Variants in PPP2R3B observed in about 807,000 individuals in gnomAD.
The protein encoded by PPP2R3B is protein phosphatase 2 regulatory subunit B''beta.
Under a neutral mutation model 72.9 loss-of-function variants are expected in PPP2R3B, and 68 were observed. That is an observed-to-expected ratio of 0.93 (90% confidence interval 0.77 to 1.14). PPP2R3B has a LOEUF of 1.14. Ranked by LOEUF, PPP2R3B falls within the 50% of genes most tolerant of loss-of-function variation. The pLI is 0.00. For missense variants in PPP2R3B, 1,018 were observed against 842.0 expected, an observed-to-expected ratio of 1.21 and a Z score of -2.59; for synonymous variants, 466 against 375.8, an observed-to-expected ratio of 1.24 and a Z score of -2.78.
intron 8 of PPP2R3B, 38 bp downstream of exon 8, chrX:341,845 G>T (rs756707983): frequency 3.1e-6 from 5 of 1,609,036 alleles, no homozygotes; most frequent in Non-Finnish European, 4.2e-6. Flanking sequence ...GTCCTCGCAG[G>T]GGCAATGGCT....
rs757277104 is a variant in PPP2R3B, at chrX:345,610, C to T, written c.942G>A (p.Glu314=). Residue 314 remains glutamate, a synonymous_variant, in exon 7 of 13, where the codon GAG becomes GAA. Transcript: ENST00000390665. The part of the protein sequence containing the change: ...INQLTEFFSY[E]HFYVIYCKFW... ...ACTTGCAGTAGATGACGTAGAAATG[C>T]TCGTACGAGAAGAATTCGGTCAGCT... The T allele has an allele frequency of 2.8e-5, 45 of 1,613,278 alleles. No homozygotes were observed. In the Middle Eastern group the frequency reaches 1.2e-3, roughly 41 times the overall value.
intron 4 of PPP2R3B, 128 bp downstream of exon 4, chrX:347,106 G>A (rs2071235650): frequency 3.4e-6 from 4 of 1,163,892 alleles, no homozygotes; most frequent in Admixed American, 1.8e-5. Context: ...GGTGTGCGGT[G>A]TAGACGCGGA....
chrX:346,107 G>GGGGAAGT, intron 6 of PPP2R3B, 67 bp downstream of exon 6: 1 of 908,458 alleles, frequency 1.1e-6, no homozygotes, highest in Non-Finnish European at 1.6e-6. Flanking sequence ...AGGAGGGAAG[G>GGGGAAGT]GAAGGGAGTG....
At chrX:375,011 T>C (rs1055163901) in intron 1 of PPP2R3B, among the ~76,000 whole-genome samples, 25 of 152,064 alleles carry the variant, frequency 1.6e-4, no homozygotes, top group African/African-American at 6.0e-4. Flanking sequence ...AGACTGGCCT[T>C]TTCTTCTCCT....
intron 1 of PPP2R3B, among the ~76,000 whole-genome samples, chrX:367,724 C>A (rs1045626858): frequency 3.9e-5 from 6 of 152,138 alleles, no homozygotes; most frequent in African/African-American, 1.4e-4. Flanking sequence ...CTCAATGCAC[C>A]GAGTGCTCTA....
chrX:340,596 G>A (rs1157802043), intron 10 of PPP2R3B, 169 bp downstream of exon 10: 1 of 103,202 alleles, frequency 9.7e-6, no homozygotes, highest in African/African-American at 4.6e-5. Flanking sequence ...CCTCCCTCCC[G>A]TCCGTCCCCT....
intron 12 of PPP2R3B, chrX:336,429 G>T (rs2070891205): frequency 6.6e-6 from 1 of 152,066 alleles, no homozygotes; most frequent in Non-Finnish European, 1.5e-5. Flanking sequence ...TGCGTGAGGG[G>T]AGACGTCCCC....
At chrX:386,054 C>A (rs975969320) in intron 1 of PPP2R3B, among the ~76,000 whole-genome samples, 3 of 152,114 alleles carry the variant, frequency 2.0e-5, no homozygotes, top group African/African-American at 4.8e-5. Flanking sequence ...CGTACTCCAG[C>A]CTGGGCAACA....
At chrX:379,732 G>T (rs967110883) in intron 1 of PPP2R3B, among the ~76,000 whole-genome samples, 2 of 152,232 alleles carry the variant, frequency 1.3e-5, no homozygotes, top group African/African-American at 4.8e-5. Flanking sequence ...TTTGTTTGTG[G>T]ATTGGAAAAT....
intron 12 of PPP2R3B, chrX:335,575 G>C (rs1228188675): frequency 6.6e-6 from 1 of 152,224 alleles, no homozygotes; most frequent in South Asian, 2.1e-4. Flanking sequence ...ACGGTAACCA[G>C]AAAGTATTTT....
At position 364,111 on chromosome X, in the gene PPP2R3B, C is replaced by G. The variant is rs5987289; in HGVS notation, c.325-2521G>C. On this transcript the variant is annotated intron_variant, in intron 1 of 12. Transcript: ENST00000390665. ...TGGGCCGAGCGGGCTCACCCGAAAT[C>G]TCTCACAGCCTTGCAGAGCTCTGGG... 6.1e-3 allele frequency among the ~76,000 whole-genome samples: 925 copies of G among 152,366 alleles called. 10 individuals carry two copies. Among genetic ancestry groups the G allele is most frequent in the African/African-American group, 0.02 (831 of 41,596 alleles).
chrX:374,169 A>G (rs1195458629), intron 1 of PPP2R3B: 1 of 151,976 alleles, frequency 6.6e-6, no homozygotes, highest in Non-Finnish European at 1.5e-5. Flanking sequence ...CCGAGAAGAG[A>G]GCCTGGGGAC....
chrX:356,452 G>T (rs1173927003), intron 2 of PPP2R3B, among the ~76,000 whole-genome samples: 1 of 152,138 alleles, frequency 6.6e-6, no homozygotes, highest in African/African-American at 2.4e-5. Context: ...CTGACCTCAG[G>T]TGATCTGCCT....
intron 4 of PPP2R3B, 130 bp downstream of exon 4, chrX:347,104 G>T (rs773792330): frequency 2.6e-6 from 3 of 1,141,426 alleles, no homozygotes; most frequent in South Asian, 1.3e-5. Context: ...GAGGTGTGCG[G>T]TGTAGACGCG....
At chrX:346,296 GACCCCC>G in intron 5 of PPP2R3B, 36 bp from the exon 6 acceptor site, 1 of 1,534,758 alleles carries the variant, frequency 6.5e-7, no homozygotes, top group Non-Finnish European at 8.8e-7. Context: ...GGTGCGCAGA[GACCCCC>G]AGGAGCCTCG....
intron 12 of PPP2R3B, chrX:338,363 C>G (rs1388745175): frequency 5.0e-6 from 3 of 601,366 alleles, no homozygotes; most frequent in Non-Finnish European, 8.9e-6. Context: ...CGCCCAGGAT[C>G]ACAGAACCCC....
At chrX:352,944 C>T (rs1441968193) in intron 2 of PPP2R3B, among the ~76,000 whole-genome samples, 1 of 151,428 alleles carries the variant, frequency 6.6e-6, no homozygotes, top group African/African-American at 2.4e-5. Flanking sequence ...TCGGAGCCCC[C>T]ACCCAAGTCT....
intron 1 of PPP2R3B, among the ~76,000 whole-genome samples, chrX:366,847 A>G (rs1199503848): frequency 7.0e-6 from 1 of 143,602 alleles, no homozygotes; most frequent in Non-Finnish European, 1.5e-5. Context: ...TGGGCGACAG[A>G]GTGAGACTCT....
At chrX:335,178 G>C (rs780176766) in intron 12 of PPP2R3B, 1 of 152,198 alleles carries the variant, frequency 6.6e-6, no homozygotes, top group East Asian at 1.9e-4. Flanking sequence ...ACACGGTGAA[G>C]GCAGTCGACC....
Sources: gnomAD v4.1 joint callset for allele counts (sites outside exome capture counted in the v4.1 genomes callset) on GRCh38, gnomAD v4.1.1 for gene constraint, MANE v1.5 for transcripts, NCBI Gene and HGNC (gene_info 2026-07-23, HGNC 2026-07-21) for gene names.